Variants in ICA1L observed in about 807,000 individuals in gnomAD.
The protein encoded by ICA1L is islet cell autoantigen 1 like.
Under a neutral mutation model 61.3 loss-of-function variants are expected in ICA1L, and 50 were observed. The observed-to-expected ratio is 0.82, with a 90% confidence interval of 0.65 to 1.03. The LOEUF (loss-of-function observed/expected upper bound fraction) is 1.03, where lower values mean the gene tolerates loss of function less well. Ranked by LOEUF, ICA1L falls within the 50% of genes least tolerant of loss-of-function variation. The pLI, the probability that ICA1L is intolerant of heterozygous loss-of-function variation, is 0.00. For missense variants in ICA1L, 508 were observed against 556.7 expected (o/e 0.91, Z 0.88); for synonymous variants, 161 against 191.3 (o/e 0.84, Z 1.31).
chr2:202,869,594 T>C (rs935156704), intron 1 of ICA1L: 1 of 152,144 alleles, frequency 6.6e-6, no homozygotes, highest in Non-Finnish European at 1.5e-5. Context: ...TATTTCCTTA[T>C]CTAAAAAAAT....
At position 202,821,632 on chromosome 2, in the gene ICA1L, G is replaced by C. The variant is rs1420734684; in HGVS notation, c.236-151C>G. ...ACTTATTTTTTAAATGCAATTCCTG[G>C]GCTCCATTTCCAGAGACTCTACTTT... On this transcript the variant is annotated intron_variant, in intron 3 of 12. Transcript: ENST00000358299. The C allele has an allele frequency of 5.5e-5, 29 of 529,022 alleles. No homozygotes were observed. In the East Asian group the frequency reaches 1.0e-3, roughly 19 times the overall value. The allele number at this position is 529,022 out of a possible 1,614,324, so 32.8% of individuals were successfully genotyped here.
In ICA1L at chr2:202,833,681, T is replaced by C. The variant is rs144801880; in HGVS notation, c.-7-4665A>G. Among the ~76,000 whole-genome samples the C allele has an allele frequency of 2.4e-4, 37 of 152,310 alleles. No homozygotes were observed. The East Asian group carries it at 6.7e-3, about 28-fold the overall frequency. Reference sequence around the variant, plus strand: ...AGACTACCTGATCAGATCTGGAGACTTTCAGAAATGCTAACATTACAGATG... The same window carrying C: ...AGACTACCTGATCAGATCTGGAGACCTTCAGAAATGCTAACATTACAGATG... On this transcript the variant is annotated intron_variant, in intron 1 of 12. Transcript: ENST00000358299.
intron 11 of ICA1L, 68 bp from the exon 12 acceptor site, chr2:202,786,075 A>T: frequency 1.1e-6 from 1 of 898,510 alleles, no homozygotes; most frequent in Non-Finnish European, 1.8e-6. Flanking sequence ...AAAACAAGAA[A>T]AGGTAAAAAT....
Position 202,796,925 on chromosome 2 carries a change from T to G in ICA1L, c.950A>C (p.Glu317Ala), listed in dbSNP as rs767626411. ...DHNEKHSQMREFGAPQFSNSE... is the reference protein window; with the variant it reads ...DHNEKHSQMRAFGAPQFSNSE... The stretch of plus-strand genomic sequence containing the variant: ...GTTAGAAAACTGAGGTGCTCCAAAT[T>G]CTCTCATTTGAGAATGTTTTTCATT... The change falls in exon 10 of 13, where the codon GAA becomes GCA. Residue 317 changes from glutamate (E) to alanine (A), a missense_variant. By Grantham distance (107) the Glu-to-Ala change is moderately radical (BLOSUM62 -1). Coordinates refer to ENST00000358299, the MANE Select transcript of ICA1L (RefSeq NM_001288622.3). 9 of 1,603,496 alleles carry G rather than the reference T, an allele frequency of 5.6e-6. No individual in the cohort carries two copies. In the South Asian group the frequency reaches 8.9e-5, roughly 16 times the overall value.
intron 1 of ICA1L, chr2:202,840,722 G>A (rs1417075702): frequency 1.8e-5 from 11 of 599,590 alleles, no homozygotes; most frequent in Middle Eastern, 3.9e-4. Context: ...CTCCAGCTCG[G>A]AGAGCTTGGC....
At chr2:202,851,265 G>A (rs1694611645) in intron 1 of ICA1L, among the ~76,000 whole-genome samples, 2 of 150,980 alleles carry the variant, frequency 1.3e-5, no homozygotes, top group Non-Finnish European at 2.9e-5. Flanking sequence ...TGCAGTGTTT[G>A]TTTTTTTGTC....
chr2:202,785,802 T>C, intron 12 of ICA1L, 116 bp downstream of exon 12: 1 of 569,274 alleles, frequency 1.8e-6, no homozygotes, highest in South Asian at 2.7e-5. Flanking sequence ...ATAATCATTA[T>C]TAAACTTTTT....
intron 1 of ICA1L, among the ~76,000 whole-genome samples, chr2:202,859,850 C>T (rs1694863763): frequency 1.3e-5 from 2 of 152,166 alleles, no homozygotes; most frequent in African/African-American, 2.4e-5. Context: ...CATTTTCACA[C>T]ATTTTATCTC....
At chr2:202,792,788 A>T (rs1692794042) in intron 10 of ICA1L, among the ~76,000 whole-genome samples, 1 of 152,192 alleles carries the variant, frequency 6.6e-6, no homozygotes, top group Non-Finnish European at 1.5e-5. Context: ...TGGGCGACAG[A>T]GTGAGACTCG....
Position 202,861,939 on chromosome 2 carries a change from C to CTTT in ICA1L, c.-8+9677_-8+9679dup, listed in dbSNP as rs144579510. On this transcript the variant is annotated intron_variant, in intron 1 of 12. Coordinates refer to ENST00000358299, the MANE Select transcript of ICA1L (RefSeq NM_001288622.3). ...ATGAAAGTTTTAAGCAAGCCTCCGC[C>CTTT]TTTTTTTTTTTTTTTTTGAGCAACA... Among the ~76,000 whole-genome samples, 4 of 123,004 alleles carry CTTT rather than the reference C, an allele frequency of 3.3e-5. No homozygotes were observed. In the East Asian group the frequency reaches 6.6e-4, roughly 20 times the overall value. 80.7% of individuals were successfully genotyped at this position (123,004 alleles called of 152,430 possible).
At chr2:202,801,392 A>G (rs1449294467) in intron 9 of ICA1L, among the ~76,000 whole-genome samples, 3 of 152,230 alleles carry the variant, frequency 2.0e-5, no homozygotes, top group Non-Finnish European at 4.4e-5. Context: ...TGAGTGAGAA[A>G]GGTCTAGCTC....
intron 1 of ICA1L, among the ~76,000 whole-genome samples, chr2:202,856,075 G>GA (rs35022962): frequency 0.75 from 96,036 of 127,380 alleles, 36,463 homozygotes; most frequent in East Asian, 0.9. Flanking sequence ...TCCGTCTCAA[G>GA]AAAAAAAAAA....
At position 202,777,557 on chromosome 2, in the gene ICA1L, A is replaced by AAAAG. The variant is rs760589401; in HGVS notation, c.*1972_*1975dup. On this transcript the variant is annotated 3_prime_UTR_variant, in exon 13 of 13. Transcript: ENST00000358299. Reference sequence around the variant, plus strand: ...GATAAGTAATGGCTCATTAAAATCTAAAAGAAATAGGAGTAATATTGTGAA... The same window carrying AAAAG: ...GATAAGTAATGGCTCATTAAAATCTAAAAGAAAGAAATAGGAGTAATATTGTGAA... 2.0e-5 allele frequency: 3 copies of AAAAG among 152,238 alleles called. No individual in the cohort carries two copies. Among genetic ancestry groups the AAAAG allele is most frequent in the Non-Finnish European group, 2.9e-5 (2 of 68,046 alleles). The allele number at this position is 152,238 out of a possible 1,614,324, so 9.4% of individuals were successfully genotyped here. A position where few individuals can be genotyped will look rare whatever the true frequency, so the allele number is the denominator to read the frequency against.
intron 1 of ICA1L, among the ~76,000 whole-genome samples, chr2:202,851,010 CTTTTTTT>C (rs201119733): frequency 6.9e-6 from 1 of 145,020 alleles, no homozygotes; most frequent in South Asian, 2.2e-4. Flanking sequence ...AAATAATTTT[CTTTTTTT>C]TTTTTAATTA....
At chr2:202,820,552 GA>G (rs1693672088) in intron 4 of ICA1L, among the ~76,000 whole-genome samples, 1 of 152,192 alleles carries the variant, frequency 6.6e-6, no homozygotes, top group African/African-American at 2.4e-5. Context: ...CCAATTAACA[GA>G]AAGCCTTTCA....
chr2:202,840,698 C>T (rs958426316), intron 1 of ICA1L: 20 of 599,742 alleles, frequency 3.3e-5, no homozygotes, highest in African/African-American at 1.1e-4. Flanking sequence ...CTGCTTGGCC[C>T]GCTGCAGGGC....
rs530814114 is a variant in ICA1L at position 202,776,870 on chromosome 2, G to A, written c.*2663C>T. On this transcript the variant is annotated 3_prime_UTR_variant, in exon 13 of 13. Transcript: ENST00000358299. Reference sequence around the variant, plus strand: ...AACTTTTGCTTTTGGAAAATTTAGGGTGTTCCTAGTATGGACTTTGGGTTT... The same window carrying A: ...AACTTTTGCTTTTGGAAAATTTAGGATGTTCCTAGTATGGACTTTGGGTTT... 6.6e-6 allele frequency: 1 copy of A among 152,108 alleles called. No homozygotes were observed. Among genetic ancestry groups the A allele is most frequent in the South Asian group, 2.1e-4 (1 of 4,810 alleles). The allele number at this position is 152,108 out of a possible 1,614,324, so 9.4% of individuals were successfully genotyped here.
At position 202,773,999 on chromosome 2, in the gene ICA1L, G is replaced by C. The variant is rs1692135369; in HGVS notation, c.*5534C>G. 1.4e-5 allele frequency: 13 copies of C among 900,988 alleles called. No individual in the cohort carries two copies. Among genetic ancestry groups the C allele is most frequent in the Non-Finnish European group, 2.0e-5 (12 of 587,096 alleles). The allele number at this position is 900,988 out of a possible 1,614,324, so 55.8% of individuals were successfully genotyped here. On this transcript the variant is annotated 3_prime_UTR_variant, in exon 13 of 13. Transcript: ENST00000358299. ...AGGTATATGGTACTAAGAAGAGTTG[G>C]CTGTTTTATTTTTTTAAATTATGAA... is the stretch of plus-strand genomic sequence containing the variant.
intron 12 of ICA1L, among the ~76,000 whole-genome samples, chr2:202,779,940 T>C (rs1309184998): frequency 2.0e-5 from 3 of 151,640 alleles, no homozygotes; most frequent in Non-Finnish European, 4.4e-5. Context: ...CCACTGCTCC[T>C]GGTTTAAGAT....
Sources: allele counts gnomAD v4.1 joint callset (sites outside exome capture counted in the v4.1 genomes callset), GRCh38; gene constraint gnomAD v4.1.1; transcripts MANE v1.5; gene names NCBI Gene and HGNC (gene_info 2026-07-23, HGNC 2026-07-21).